ACSL3: variants seen among roughly 807,000 people sequenced by gnomAD.
ACSL3 encodes acyl-CoA synthetase long chain family member 3, also known as fatty acid CoA ligase Acsl3.
ACSL3 carries 34 observed loss-of-function variants against 84.7 expected under a neutral mutation model. The observed-to-expected ratio is 0.40, with a 90% CI of 0.31 to 0.53. The LOEUF (loss-of-function observed/expected upper bound fraction) is 0.53, where lower values mean the gene tolerates loss of function less well. Ranked by LOEUF, ACSL3 falls within the 20% of genes least tolerant of loss-of-function variation. The pLI, the probability that ACSL3 is intolerant of heterozygous loss-of-function variation, is 0.48. For missense variants in ACSL3, 680 were observed against 873.1 expected (o/e 0.78, Z 2.79); for synonymous variants, 315 against 299.4 (o/e 1.05, Z -0.54).
chr2:222,921,087 C>A, intron 7 of ACSL3, 193 bp from the exon 8 acceptor site: 1 of 699,942 alleles, frequency 1.4e-6, no homozygotes, highest in South Asian at 1.5e-5. Flanking sequence ...GTTTGTATAT[C>A]TCAATAGAAT....
intron 3 of ACSL3, among the ~76,000 whole-genome samples, chr2:222,905,818 T>G (rs1696277519): frequency 6.6e-6 from 1 of 152,154 alleles, no homozygotes; most frequent in South Asian, 2.1e-4. Flanking sequence ...CCTTAACTTG[T>G]AAAATCGATT....
At position 222,911,127 on chromosome 2, in the gene ACSL3, G is replaced by T. The variant is rs201668015; in HGVS notation, c.378+1977G>T. Among the ~76,000 whole-genome samples, 4 of 148,680 alleles carry T rather than the reference G, an allele frequency of 2.7e-5. 1 individual carries two copies. In the East Asian group the frequency reaches 8.0e-4, roughly 30 times the overall value. On this transcript the variant is annotated intron_variant, in intron 4 of 16. Coordinates refer to ENST00000357430, the MANE Select transcript of ACSL3 (RefSeq NM_004457.5). ...TGCAATGGTGCCGTCTCAGCTCACC[G>T]CAACGTCCGCCTTCTGGGTTCAAGT...
intron 1 of ACSL3, among the ~76,000 whole-genome samples, chr2:222,877,365 G>GAT (rs1297267311): frequency 1.3e-5 from 2 of 152,184 alleles, no homozygotes; most frequent in Non-Finnish European, 1.5e-5. Context: ...TGGAGCAGAT[G>GAT]ATAGCCCAGA....
chr2:222,862,766 C>G (rs996226814), intron 1 of ACSL3, among the ~76,000 whole-genome samples: 1 of 152,084 alleles, frequency 6.6e-6, no homozygotes, highest in African/African-American at 2.4e-5. Flanking sequence ...TCCATTGGAC[C>G]TAAGGGTCAA....
rs933841522 is a variant in ACSL3 at position 222,943,934 on chromosome 2, G to A, written c.*2280G>A. 2 of 151,986 alleles carry A rather than the reference G, an allele frequency of 1.3e-5. No individual in the cohort carries two copies. Among genetic ancestry groups the A allele is most frequent in the Non-Finnish European group, 2.9e-5 (2 of 67,922 alleles). 9.4% of individuals were successfully genotyped at this position (151,986 alleles called of 1,614,324 possible). Reference sequence around the variant, plus strand: ...CTGACAATAAGATACAGATCTAAAAGAATGGTTCTTAAGAACTATTGTTTA... The same window carrying A: ...CTGACAATAAGATACAGATCTAAAAAAATGGTTCTTAAGAACTATTGTTTA... On this transcript the variant is annotated 3_prime_UTR_variant, in exon 17 of 17. Coordinates refer to ENST00000357430, the MANE Select transcript of ACSL3 (RefSeq NM_004457.5).
intron 10 of ACSL3, among the ~76,000 whole-genome samples, chr2:222,924,213 A>T (rs142593546): frequency 6.6e-6 from 1 of 152,324 alleles, no homozygotes; most frequent in African/African-American, 2.4e-5. Context: ...TTTAAAAATT[A>T]TTTTTGTGGA....
At chr2:222,861,937 C>T (rs1317653392) in intron 1 of ACSL3, among the ~76,000 whole-genome samples, 1 of 152,104 alleles carries the variant, frequency 6.6e-6, no homozygotes, top group African/African-American at 2.4e-5. Context: ...TAGGTGTTAT[C>T]AGGCTCGTTT....
chr2:222,893,330 A>G (rs775366493), intron 2 of ACSL3, among the ~76,000 whole-genome samples: 2 of 152,166 alleles, frequency 1.3e-5, no homozygotes, highest in Non-Finnish European at 2.9e-5. Flanking sequence ...TGTGAGGGGC[A>G]TAAAATGTCT....
chr2:222,918,165 CTAGT>C lies in ACSL3; in HGVS notation c.666+13_666+16del. 1 of 1,561,876 alleles carries C rather than the reference CTAGT, an allele frequency of 6.4e-7. No homozygotes were observed. Among genetic ancestry groups the C allele is most frequent in the Non-Finnish European group, 8.8e-7 (1 of 1,135,050 alleles). ...ACAAACAAAGTTGAAGGTGAGGACT[CTAGT>C]TACTTTCTAACTGTCTGATACTTTA... On this transcript the variant is annotated intron_variant, in intron 6 of 16. Coordinates refer to ENST00000357430, the MANE Select transcript of ACSL3 (RefSeq NM_004457.5).
intron 12 of ACSL3, 76 bp downstream of exon 12, chr2:222,927,265 A>G: frequency 1.3e-6 from 2 of 1,487,612 alleles, no homozygotes; most frequent in South Asian, 1.2e-5. Flanking sequence ...TTCTGCAAAT[A>G]TATAGGAGAA....
chr2:222,887,168 A>C (rs1002934884), intron 1 of ACSL3, among the ~76,000 whole-genome samples: 1 of 152,216 alleles, frequency 6.6e-6, no homozygotes, highest in Non-Finnish European at 1.5e-5. Flanking sequence ...TATAGTTGGA[A>C]TCATACAGTA....
At chr2:222,874,199 A>G (rs1553583762) in intron 1 of ACSL3, among the ~76,000 whole-genome samples, 1 of 151,564 alleles carries the variant, frequency 6.6e-6, no homozygotes, top group Non-Finnish European at 1.5e-5. Flanking sequence ...ATTTTTTTGT[A>G]TTTTTAGTAG....
At chr2:222,892,927 G>A (rs1324766078) in intron 2 of ACSL3, among the ~76,000 whole-genome samples, 6 of 152,256 alleles carry the variant, frequency 3.9e-5, no homozygotes, top group East Asian at 1.9e-4. Flanking sequence ...AAAAATTCCA[G>A]CCACATTTCA....
chr2:222,906,722 C>T (rs1419853844), intron 3 of ACSL3, among the ~76,000 whole-genome samples: 2 of 151,860 alleles, frequency 1.3e-5, no homozygotes, highest in African/African-American at 2.4e-5. Flanking sequence ...TCAAGCGATT[C>T]TCCTGCCTCA....
At chr2:222,938,151 G>A (rs1200367162) in intron 16 of ACSL3, among the ~76,000 whole-genome samples, 1 of 151,998 alleles carries the variant, frequency 6.6e-6, no homozygotes, top group African/African-American at 2.4e-5. Context: ...TACTTTTTAT[G>A]TCTTTGTTTT....
intron 16 of ACSL3, among the ~76,000 whole-genome samples, chr2:222,936,604 A>AC (rs1697175302): frequency 1.8e-4 from 9 of 51,060 alleles, no homozygotes; most frequent in South Asian, 1.4e-3. Flanking sequence ...AGAATTCTGC[A>AC]CCCTCCCCCC....
intron 1 of ACSL3, among the ~76,000 whole-genome samples, chr2:222,887,274 C>T (rs1695746895): frequency 6.6e-6 from 1 of 152,202 alleles, no homozygotes; most frequent in Admixed American, 6.5e-5. Context: ...CTTTTCAACA[C>T]TGACTCATTT....
rs1271757441 is a variant in ACSL3, at chr2:222,892,255, T to TAAA, written c.-148+4368_-148+4369insAAA. 3.9e-5 allele frequency among the ~76,000 whole-genome samples: 6 copies of TAAA among 152,344 alleles called. No homozygotes were observed. In the South Asian group the frequency reaches 1.2e-3, roughly 32 times the overall value. ...TTGTAAGAATTTAAAACAACTGTCC[T>TAAA]ACTTTTAGGTCTGCTTTTTTTCGGG... On this transcript the variant is annotated intron_variant, in intron 2 of 16. Coordinates refer to ENST00000357430, the MANE Select transcript of ACSL3 (RefSeq NM_004457.5).
chr2:222,913,786 A>C (rs1696503476), intron 4 of ACSL3, among the ~76,000 whole-genome samples: 2 of 152,222 alleles, frequency 1.3e-5, no homozygotes, highest in Admixed American at 6.5e-5. Context: ...ATTACTTATT[A>C]GTTACATGAT....
Sources: allele counts gnomAD v4.1 joint callset (sites outside exome capture counted in the v4.1 genomes callset), GRCh38; gene constraint gnomAD v4.1.1; transcripts MANE v1.5; gene names NCBI Gene and HGNC (gene_info 2026-07-23, HGNC 2026-07-21).